Variants in ELAVL4 observed in about 807,000 individuals in gnomAD.
ELAVL4 encodes the protein ELAV-like protein 4.
A neutral mutation model predicts 35.6 loss-of-function variants in ELAVL4; 1 was observed. That is an observed-to-expected ratio of 0.03 (90% CI 0.01 to 0.13). ELAVL4 has a LOEUF of 0.13. Among genes scored for constraint, ELAVL4 ranks in the 10% least tolerant of loss-of-function variants. The probability of loss-of-function intolerance (pLI) is 1.00; values close to 1 mark genes in which losing one functional copy is unlikely to be tolerated. For synonymous variants in ELAVL4, 156 were observed against 171.0 expected (o/e 0.91, Z 0.69); for missense variants, 267 against 464.9 (o/e 0.57, Z 3.91).
At chr1:50,121,183 T>C (rs532969875) in intron 1 of ELAVL4, among the ~76,000 whole-genome samples, 11 of 152,172 alleles carry the variant, frequency 7.2e-5, no homozygotes, top group Admixed American at 2.0e-4. Context: ...CTTGGATCTG[T>C]CATCAACTTC....
upstream of ELAVL4, among the ~76,000 whole-genome samples, chr1:50,100,522 C>CGA: frequency 6.6e-6 from 1 of 152,300 alleles, no homozygotes; most frequent in East Asian, 1.9e-4. Flanking sequence ...CGCCTCAGTT[C>CGA]AGGCTTCTCC....
intron 3 of ELAVL4, among the ~76,000 whole-genome samples, chr1:50,188,462 T>G (rs1682167416): frequency 6.6e-6 from 1 of 152,214 alleles, no homozygotes; most frequent in Non-Finnish European, 1.5e-5. Flanking sequence ...GCGTTGCTGT[T>G]TTCCACATCC....
chr1:50,191,655 C>A (rs147122418), intron 3 of ELAVL4, among the ~76,000 whole-genome samples: 1 of 152,194 alleles, frequency 6.6e-6, no homozygotes, highest in African/African-American at 2.4e-5. Context: ...GGTTAAGTAC[C>A]ATGGTTCATT....
At chr1:50,070,406 A>G (rs1664459728) in intron 1 of ELAVL4, among the ~76,000 whole-genome samples, 1 of 152,068 alleles carries the variant, frequency 6.6e-6, no homozygotes, top group Admixed American at 6.5e-5. Context: ...TTTCCTTTTA[A>G]CTACCCTGTG....
intron 6 of ELAVL4, 135 bp from the exon 7 acceptor site, chr1:50,200,716 T>C: frequency 6.7e-7 from 1 of 1,496,044 alleles, no homozygotes; most frequent in Non-Finnish European, 8.9e-7. Flanking sequence ...TTTTACATTT[T>C]GGTTTTTGAA....
chr1:50,192,178 C>T lies in ELAVL4; in HGVS notation c.355-1587C>T, dbSNP rs2841865. Reference sequence around the variant, plus strand: ...GCCCACAGAGGCCTCCCAGCCCACCCGTGAGTTTCTAGAAGATGGAGATAC... The same window carrying T: ...GCCCACAGAGGCCTCCCAGCCCACCTGTGAGTTTCTAGAAGATGGAGATAC... On this transcript the variant is annotated intron_variant, in intron 3 of 6. Transcript: ENST00000371824. Among the ~76,000 whole-genome samples the T allele has an allele frequency of 8.4e-3, 1,283 of 152,262 alleles. 16 individuals carry two copies. Among genetic ancestry groups the T allele is most frequent in the African/African-American group, 0.029 (1,202 of 41,522 alleles).
At position 50,203,103 on chromosome 1, in the gene ELAVL4, A is replaced by T. The variant is rs2148903545; in HGVS notation, c.*1925A>T. 1 of 152,352 alleles carries T rather than the reference A, an allele frequency of 6.6e-6. No individual in the cohort carries two copies. The allele number at this position is 152,352 out of a possible 1,614,324, so 9.4% of individuals were successfully genotyped here. A position where few individuals can be genotyped will look rare whatever the true frequency, so the allele number is the denominator to read the frequency against. On this transcript the variant is annotated 3_prime_UTR_variant, in exon 7 of 7. Transcript: ENST00000371824. ...ATAGAAACAGTTACTCGCTATGCAT[A>T]ATCTAGTTGATAGTTAAATTTGCTA...
At chr1:50,193,732 A>G (rs775823928) in intron 3 of ELAVL4, 33 bp from the exon 4 acceptor site, 4 of 1,603,694 alleles carry the variant, frequency 2.5e-6, no homozygotes, top group South Asian at 2.2e-5. Context: ...GTGATTGCCT[A>G]TAATGGAATT....
In ELAVL4 at chr1:50,059,852, A is replaced by G. The variant is rs200563973; in HGVS notation, c.18+11670A>G. ...AACATAAGTGAAAGAAGCCAGACAC[A>G]AAAGGTCACATATTATATTATTTCA... On this transcript the variant is annotated intron_variant, in intron 1 of 6. Transcript: ENST00000448907. Among the ~76,000 whole-genome samples the G allele has an allele frequency of 3.3e-5, 5 of 152,226 alleles. No homozygotes were observed. The East Asian group carries it at 9.6e-4, about 29-fold the overall frequency.
At chr1:50,175,031 T>A (rs1679744995) in intron 2 of ELAVL4, among the ~76,000 whole-genome samples, 1 of 152,180 alleles carries the variant, frequency 6.6e-6, no homozygotes, top group Non-Finnish European at 1.5e-5. Flanking sequence ...ATCTGACCAG[T>A]TTCCTAGAAC....
intron 1 of ELAVL4, among the ~76,000 whole-genome samples, chr1:50,072,573 C>T (rs1424335377): frequency 6.6e-6 from 1 of 152,176 alleles, no homozygotes; most frequent in African/African-American, 2.4e-5. Context: ...AAATAACTCT[C>T]TCCCTCAAGC....
At chr1:50,178,252 A>T (rs558175707) in intron 3 of ELAVL4, among the ~76,000 whole-genome samples, 2 of 152,208 alleles carry the variant, frequency 1.3e-5, no homozygotes, top group Non-Finnish European at 2.9e-5. Flanking sequence ...AGGACAAAAG[A>T]GAAACCTCTC....
At chr1:50,188,397 C>G (rs2148865106) in intron 3 of ELAVL4, among the ~76,000 whole-genome samples, 1 of 152,252 alleles carries the variant, frequency 6.6e-6, no homozygotes, top group African/African-American at 2.4e-5. Context: ...TGAAAAAAAT[C>G]CAGTCAATGA....
intron 2 of ELAVL4, among the ~76,000 whole-genome samples, chr1:50,169,306 C>G (rs565805302): frequency 6.6e-6 from 1 of 152,232 alleles, no homozygotes; most frequent in East Asian, 1.9e-4. Context: ...TCTCTTTTGG[C>G]AGCACCTTCC....
intron 1 of ELAVL4, among the ~76,000 whole-genome samples, chr1:50,066,203 A>G (rs1664257410): frequency 6.6e-6 from 1 of 152,216 alleles, no homozygotes; most frequent in East Asian, 1.9e-4. Context: ...ATCATGTTTT[A>G]CAGATTACAA....
intron 1 of ELAVL4, among the ~76,000 whole-genome samples, chr1:50,116,638 T>C (rs977604298): frequency 6.6e-6 from 1 of 152,074 alleles, no homozygotes; most frequent in Non-Finnish European, 1.5e-5. Context: ...TAGTAAATAC[T>C]GCTCTAATGA....
chr1:50,059,167 T>A (rs1451284997), intron 1 of ELAVL4, among the ~76,000 whole-genome samples: 1 of 152,168 alleles, frequency 6.6e-6, no homozygotes, highest in Non-Finnish European at 1.5e-5. Context: ...GAGCTTGCAT[T>A]TTCTTAAATA....
intron 1 of ELAVL4, among the ~76,000 whole-genome samples, chr1:50,111,123 C>T (rs1434412766): frequency 6.6e-6 from 1 of 151,440 alleles, no homozygotes; most frequent in South Asian, 2.1e-4. Flanking sequence ...GTTCTGTCTC[C>T]CCTGTTTTTG....
chr1:50,193,941 C>T (rs1215841833), intron 4 of ELAVL4, 23 bp downstream of exon 4: 2 of 1,612,288 alleles, frequency 1.2e-6, no homozygotes, highest in Non-Finnish European at 1.7e-6. Flanking sequence ...TTTGTAATTT[C>T]TTTCCTTGTA....
Sources: gnomAD v4.1 joint callset for allele counts (sites outside exome capture counted in the v4.1 genomes callset) on GRCh38, gnomAD v4.1.1 for gene constraint, MANE v1.5 for transcripts, NCBI Gene and HGNC (gene_info 2026-07-23, HGNC 2026-07-21) for gene names.